UHRF2: variants seen among roughly 807,000 people sequenced by gnomAD.
UHRF2 encodes the protein ubiquitin like with PHD and ring finger domains 2.
UHRF2 carries 23 observed loss-of-function variants against 96.8 expected under a neutral mutation model. That is an observed-to-expected ratio of 0.24 (90% confidence interval 0.17 to 0.34). The LOEUF (loss-of-function observed/expected upper bound fraction) is 0.34, where lower values mean the gene tolerates loss of function less well. UHRF2 is among the 10% of genes least tolerant of loss of function. The probability of loss-of-function intolerance (pLI) is 1.00; values close to 1 mark genes in which losing one functional copy is unlikely to be tolerated. For missense variants in UHRF2, 685 were observed against 981.5 expected, an observed-to-expected ratio of 0.70 and a Z score of 4.04; for synonymous variants, 385 against 332.6, an observed-to-expected ratio of 1.16 and a Z score of -1.72.
chr9:6,504,883 G>T (rs574772513), intron 15 of UHRF2, among the ~76,000 whole-genome samples, 192 bp downstream of exon 15: 1 of 152,270 alleles, frequency 6.6e-6, no homozygotes, highest in South Asian at 2.1e-4. Context: ...ATTCAAATAT[G>T]TGTCATTTGA....
chr9:6,413,290 C>T lies in UHRF2; in HGVS notation c.-201C>T. The T allele has an allele frequency of 3.7e-6, 1 of 270,558 alleles. No individual in the cohort carries two copies. 16.8% of individuals were successfully genotyped at this position (270,558 alleles called of 1,614,324 possible). On this transcript the variant is annotated 5_prime_UTR_variant, in exon 1 of 16. Transcript: ENST00000276893. ...CGCCTCAGAGTGGTTCCGGTCGTCTCTCCTCAAGTCGGCTAGTCGGGCGCG... is the reference window on the plus strand; with the variant it reads ...CGCCTCAGAGTGGTTCCGGTCGTCTTTCCTCAAGTCGGCTAGTCGGGCGCG...
At chr9:6,478,793 G>C (rs1823745006) in intron 6 of UHRF2, among the ~76,000 whole-genome samples, 1 of 152,108 alleles carries the variant, frequency 6.6e-6, no homozygotes, top group Non-Finnish European at 1.5e-5. Context: ...GCTGTATTAT[G>C]ACAGGCTGTA....
Position 6,467,595 on chromosome 9 carries a change from G to GTTTTTT in UHRF2, c.863+6821_863+6826dup, listed in dbSNP as rs34366483. On this transcript the variant is annotated intron_variant, in intron 4 of 15. Transcript: ENST00000276893. ...GTATTTCATAGATTCCGAGAGAATA[G>GTTTTTT]TTTTTTTTTTTTTTTTTTTTTTGGT... is the stretch of plus-strand genomic sequence containing the variant. 1.7e-3 allele frequency among the ~76,000 whole-genome samples: 166 copies of GTTTTTT among 99,128 alleles called. 2 individuals carry two copies. The highest frequency in any genetic ancestry group is 6.6e-3 in the African/African-American group (158 of 24,080). 65.0% of individuals were successfully genotyped at this position (99,128 alleles called of 152,430 possible). A position where few individuals can be genotyped will look rare whatever the true frequency, so the allele number is the denominator to read the frequency against.
chr9:6,493,446 T>C (rs951960462), intron 9 of UHRF2, among the ~76,000 whole-genome samples: 1 of 152,182 alleles, frequency 6.6e-6, no homozygotes, highest in African/African-American at 2.4e-5. Flanking sequence ...TTTGTTGAAG[T>C]GGTATTATCT....
chr9:6,503,027 G>A (rs1412431178), intron 14 of UHRF2, among the ~76,000 whole-genome samples: 1 of 152,058 alleles, frequency 6.6e-6, no homozygotes, highest in East Asian at 1.9e-4. Context: ...CGGAGTTGTG[G>A]TCTGTCTCCC....
chr9:6,441,119 C>G (rs981806479), intron 3 of UHRF2, among the ~76,000 whole-genome samples: 6 of 152,138 alleles, frequency 3.9e-5, no homozygotes, highest in African/African-American at 1.4e-4. Context: ...TGGCTCATAC[C>G]TGTAAACCTA....
intron 2 of UHRF2, among the ~76,000 whole-genome samples, chr9:6,424,254 G>T (rs1185605263): frequency 2.0e-5 from 3 of 152,202 alleles, no homozygotes; most frequent in South Asian, 4.1e-4. Context: ...ACATTGAGCT[G>T]CTGATAGCTC....
At chr9:6,424,963 G>A (rs1419539513) in intron 2 of UHRF2, among the ~76,000 whole-genome samples, 1 of 152,058 alleles carries the variant, frequency 6.6e-6, no homozygotes, top group Non-Finnish European at 1.5e-5. Context: ...TATTTGCTAA[G>A]TATAACTTAG....
chr9:6,438,422 T>A (rs1820977174), intron 3 of UHRF2, among the ~76,000 whole-genome samples: 1 of 152,260 alleles, frequency 6.6e-6, no homozygotes, highest in Admixed American at 6.5e-5. Flanking sequence ...CACATTTTTG[T>A]ACTTTAACTA....
At chr9:6,432,831 C>T (rs1820629921) in intron 2 of UHRF2, among the ~76,000 whole-genome samples, 1 of 151,470 alleles carries the variant, frequency 6.6e-6, no homozygotes, top group African/African-American at 2.4e-5. Flanking sequence ...CCTAAAAGGG[C>T]TCTGGCCATT....
Position 6,499,829 on chromosome 9 carries a change from C to T in UHRF2, c.1909-6C>T, listed in dbSNP as rs199920511. On this transcript the variant is annotated splice_region_variant and splice_polypyrimidine_tract_variant and intron_variant, in intron 12 of 15. Coordinates refer to ENST00000276893, the MANE Select transcript of UHRF2 (RefSeq NM_152896.3). ...CATTGTACTCTCCCTCCTCCCCCCC[C>T]ATCAGTATCCAGCAGGTTACCCTTC... is the stretch of plus-strand genomic sequence containing the variant. 6.9e-6 allele frequency: 11 copies of T among 1,591,504 alleles called. No individual in the cohort carries two copies. Among genetic ancestry groups the T allele is most frequent in the Non-Finnish European group, 8.6e-6 (10 of 1,167,404 alleles).
chr9:6,420,350 C>T (rs939007667), intron 1 of UHRF2, among the ~76,000 whole-genome samples: 15 of 151,488 alleles, frequency 9.9e-5, no homozygotes, highest in Non-Finnish European at 1.2e-4. Flanking sequence ...CCACCGCGCC[C>T]GGCCCATTTT....
intron 2 of UHRF2, among the ~76,000 whole-genome samples, chr9:6,425,981 C>T (rs1025331649): frequency 6.6e-6 from 1 of 152,188 alleles, no homozygotes; most frequent in Non-Finnish European, 1.5e-5. Flanking sequence ...GAAGCTGCTG[C>T]TTTTGAATTG....
At chr9:6,450,913 A>G (rs888625337) in intron 3 of UHRF2, among the ~76,000 whole-genome samples, 3 of 152,154 alleles carry the variant, frequency 2.0e-5, no homozygotes, top group African/African-American at 7.2e-5. Flanking sequence ...GCTTACTGAT[A>G]TGTGTTTGGT....
chr9:6,491,053 T>G (rs1217136522), intron 9 of UHRF2, among the ~76,000 whole-genome samples: 1 of 152,250 alleles, frequency 6.6e-6, no homozygotes, highest in Non-Finnish European at 1.5e-5. Context: ...GCGTACCTGC[T>G]GATAACTGAG....
chr9:6,489,576 G>A (rs920109786), intron 9 of UHRF2, among the ~76,000 whole-genome samples: 2 of 152,168 alleles, frequency 1.3e-5, no homozygotes, highest in Non-Finnish European at 2.9e-5. Flanking sequence ...ACCAGCATTC[G>A]CTGTTGTTGC....
chr9:6,476,591 GTTTGTTT>G (rs1324771905), intron 5 of UHRF2, among the ~76,000 whole-genome samples: 3 of 151,852 alleles, frequency 2.0e-5, no homozygotes, highest in Non-Finnish European at 2.9e-5. Flanking sequence ...GGCTTTTTTT[GTTTGTTT>G]TTTGTTTTTT....
chr9:6,416,233 T>C (rs1029181548), intron 1 of UHRF2, among the ~76,000 whole-genome samples: 1 of 151,894 alleles, frequency 6.6e-6, no homozygotes, highest in Non-Finnish European at 1.5e-5. Context: ...CCGGCAAATT[T>C]TTTGTATTTT....
chr9:6,481,601 T>G lies in UHRF2; in HGVS notation c.1161-42T>G, dbSNP rs7874969. 5.0e-3 allele frequency: 7,964 copies of G among 1,597,728 alleles called. 353 individuals are homozygous for G. In the African/African-American group the frequency reaches 0.098, roughly 20 times the overall value. The stretch of plus-strand genomic sequence containing the variant: ...TAATATTCTGTTACTAGCTTTAATA[T>G]GGTATTGTGAAAATGCCTTCGTTCT... On this transcript the variant is annotated intron_variant, in intron 6 of 15. Coordinates refer to ENST00000276893, the MANE Select transcript of UHRF2 (RefSeq NM_152896.3).
Sources: gnomAD v4.1 joint callset for allele counts (sites outside exome capture counted in the v4.1 genomes callset) on GRCh38, gnomAD v4.1.1 for gene constraint, MANE v1.5 for transcripts, NCBI Gene and HGNC (gene_info 2026-07-23, HGNC 2026-07-21) for gene names.